INPP4A: variants seen among roughly 807,000 people sequenced by gnomAD.
INPP4A encodes inositol polyphosphate-4-phosphatase, type I, 107kD.
In INPP4A, 33 loss-of-function variants were observed where a neutral mutation model predicts 119.8. The ratio of observed to expected loss-of-function variants is 0.28; its 90% confidence interval spans 0.21 to 0.37. INPP4A has a LOEUF of 0.37. Ranked by LOEUF, INPP4A falls within the 10% of genes least tolerant of loss-of-function variation. INPP4A has a pLI of 1.00. For missense variants in INPP4A, 956 were observed against 1,289.9 expected (o/e 0.74, Z 3.97); for synonymous variants, 496 against 500.7 (o/e 0.99, Z 0.12).
Position 98,484,728 on chromosome 2 carries a change from C to T in INPP4A, c.-165-34236C>T, listed in dbSNP as rs1265224383. 3.3e-5 allele frequency among the ~76,000 whole-genome samples: 5 copies of T among 152,148 alleles called. No homozygotes were observed. In the East Asian group the frequency reaches 5.8e-4, roughly 18 times the overall value. ...TTATACGTGTTCTTTTCCTCTCTCC[C>T]ACTCCGCGTGAGTGCTTCTATGTCT... On this transcript the variant is annotated intron_variant, in intron 1 of 24. Transcript: ENST00000409851.
At chr2:98,469,817 C>T (rs1675617027) in intron 1 of INPP4A, among the ~76,000 whole-genome samples, 1 of 152,070 alleles carries the variant, frequency 6.6e-6, no homozygotes, top group Non-Finnish European at 1.5e-5. Context: ...ACAACAACAA[C>T]AACAACAAAA....
chr2:98,520,748 A>AT lies in INPP4A; in HGVS notation c.151+24dup. 7 of 1,384,992 alleles carry AT rather than the reference A, an allele frequency of 5.1e-6. No homozygotes were observed. The highest frequency in any genetic ancestry group is 2.5e-5 in the East Asian group (1 of 39,922). The allele number at this position is 1,384,992 out of a possible 1,614,324, so 85.8% of individuals were successfully genotyped here. A position where few individuals can be genotyped will look rare whatever the true frequency, so the allele number is the denominator to read the frequency against. On this transcript the variant is annotated intron_variant, in intron 4 of 24. Coordinates refer to ENST00000409851, the MANE Select transcript of INPP4A (RefSeq NM_001134225.2). The stretch of plus-strand genomic sequence containing the variant: ...TTAGCTTAGGTAGGTATCTTTCATT[A>AT]TTTTTTTGTTTTAAAAAATATTTTA...
rs756812855 is a variant in INPP4A at position 98,555,585 on chromosome 2, A to G, written c.1599A>G (p.Leu533=). ...TGTGGCTGAACGTGGACAAGAGCCTAGAGTGCATCATTCAGCGTGTGGACA... is the reference window on the plus strand; with the variant it reads ...TGTGGCTGAACGTGGACAAGAGCCTGGAGTGCATCATTCAGCGTGTGGACA... ...EKVWLNVDKS[L]ECIIQRVDKL... The change falls in exon 16 of 25, where the codon CTA becomes CTG. Residue 533 remains leucine, a synonymous_variant. Coordinates refer to ENST00000409851, the MANE Select transcript of INPP4A (RefSeq NM_001134225.2). 8 of 1,612,828 alleles carry G rather than the reference A, an allele frequency of 5.0e-6. No individual in the cohort carries two copies. The highest frequency in any genetic ancestry group is 1.6e-4 in the Middle Eastern group (1 of 6,076).
In INPP4A at chr2:98,557,553, G is replaced by T. The variant is rs568602373; in HGVS notation, c.1822+1745G>T. Among the ~76,000 whole-genome samples the T allele has an allele frequency of 2.6e-5, 4 of 152,328 alleles. No individual in the cohort carries two copies. The South Asian group carries it at 6.2e-4, about 24-fold the overall frequency. On this transcript the variant is annotated intron_variant, in intron 16 of 24. Transcript: ENST00000409851. The stretch of plus-strand genomic sequence containing the variant: ...TGGAGCCATTGTTTTGGCTTAATGA[G>T]CAGGTATGTTCACACCAACATATTT...
intron 1 of INPP4A, among the ~76,000 whole-genome samples, chr2:98,514,779 TGTG>T (rs1262571751): frequency 4.6e-5 from 7 of 152,030 alleles, no homozygotes; most frequent in African/African-American, 7.3e-5. Flanking sequence ...ATTATCCAGA[TGTG>T]GTGGCACACA....
intron 1 of INPP4A, among the ~76,000 whole-genome samples, chr2:98,462,855 A>AT (rs1238326158): frequency 6.6e-6 from 1 of 151,672 alleles, no homozygotes; most frequent in African/African-American, 2.4e-5. Flanking sequence ...TTTATTTTTA[A>AT]TTTTTAATTT....
At chr2:98,499,809 A>T (rs561480476) in intron 1 of INPP4A, among the ~76,000 whole-genome samples, 1 of 152,374 alleles carries the variant, frequency 6.6e-6, no homozygotes, top group South Asian at 2.1e-4. Flanking sequence ...ACAAAAGGAC[A>T]GTATTCTCCT....
intron 1 of INPP4A, among the ~76,000 whole-genome samples, chr2:98,507,982 G>A (rs906193567): frequency 1.3e-5 from 2 of 152,228 alleles, no homozygotes; most frequent in Non-Finnish European, 2.9e-5. Context: ...GGTTGAGGGG[G>A]TGGGTGGTGA....
intron 1 of INPP4A, among the ~76,000 whole-genome samples, chr2:98,472,948 T>C (rs950726895): frequency 2.6e-5 from 4 of 151,886 alleles, no homozygotes; most frequent in Non-Finnish European, 5.9e-5. Flanking sequence ...GAGTGTATTG[T>C]AGGTGCAGTG....
intron 1 of INPP4A, among the ~76,000 whole-genome samples, chr2:98,451,287 C>T (rs1227075729): frequency 6.6e-6 from 1 of 152,152 alleles, no homozygotes; most frequent in East Asian, 1.9e-4. Context: ...TAATATGAAA[C>T]TTGTTCAGTG....
chr2:98,546,163 T>C lies in INPP4A; in HGVS notation c.1054+90T>C. The C allele has an allele frequency of 1.1e-6, 1 of 883,580 alleles. No individual in the cohort carries two copies. Among genetic ancestry groups the C allele is most frequent in the Non-Finnish European group, 1.8e-6 (1 of 552,106 alleles). The allele number at this position is 883,580 out of a possible 1,614,324, so 54.7% of individuals were successfully genotyped here. A position where few individuals can be genotyped will look rare whatever the true frequency, so the allele number is the denominator to read the frequency against. On this transcript the variant is annotated intron_variant, in intron 12 of 24. Transcript: ENST00000409851. This position sits in a 1 kb window ranked among gnomAD's most constrained non-coding sequence, Gnocchi z 4.2. Reference sequence around the variant, plus strand: ...TCCCTGAGTACCCCACATCTGCCCATTTCCCTGTGTGCTCTGGGCGGCTCG... The same window carrying C: ...TCCCTGAGTACCCCACATCTGCCCACTTCCCTGTGTGCTCTGGGCGGCTCG...
intron 1 of INPP4A, among the ~76,000 whole-genome samples, chr2:98,461,704 A>C (rs937958735): frequency 3.3e-5 from 5 of 152,182 alleles, no homozygotes; most frequent in African/African-American, 1.2e-4. Context: ...TATGCTGTGT[A>C]TATGCCAGCA....
chr2:98,545,734 C>T (rs1262518928), intron 11 of INPP4A, among the ~76,000 whole-genome samples: 1 of 152,154 alleles, frequency 6.6e-6, no homozygotes, highest in Non-Finnish European at 1.5e-5. Context: ...TCCCTGGCAC[C>T]ATTCACCACC....
chr2:98,581,001 A>G (rs1014930593), intron 24 of INPP4A, among the ~76,000 whole-genome samples: 4 of 152,188 alleles, frequency 2.6e-5, no homozygotes, highest in Non-Finnish European at 5.9e-5. Context: ...CTGAGCCTGG[A>G]ACCCGAGGCG....
chr2:98,583,322 A>G (rs1310166014), intron 24 of INPP4A, among the ~76,000 whole-genome samples: 1 of 140,916 alleles, frequency 7.1e-6, no homozygotes, highest in Non-Finnish European at 1.6e-5. Context: ...CAAAGAAAAA[A>G]TGCCAAAAAA....
intron 1 of INPP4A, among the ~76,000 whole-genome samples, chr2:98,501,092 G>A (rs141949665): frequency 5.9e-5 from 9 of 152,292 alleles, no homozygotes; most frequent in African/African-American, 1.7e-4. Flanking sequence ...CGGGGCAGGC[G>A]GATCACTTGA....
chr2:98,530,944 T>A (rs1689098690), intron 4 of INPP4A, among the ~76,000 whole-genome samples: 1 of 152,210 alleles, frequency 6.6e-6, no homozygotes, highest in Non-Finnish European at 1.5e-5. Context: ...TGCTAGGATA[T>A]CTGTTGTCTG....
At chr2:98,571,824 G>C (rs1559100710) in intron 22 of INPP4A, 2 of 152,508 alleles carry the variant, frequency 1.3e-5, no homozygotes, top group East Asian at 3.9e-4. Flanking sequence ...AGATGGTGCT[G>C]TCTATGCCAG....
chr2:98,492,663 G>A (rs754861316), intron 1 of INPP4A, among the ~76,000 whole-genome samples: 2 of 152,212 alleles, frequency 1.3e-5, no homozygotes, highest in South Asian at 2.1e-4. Context: ...TCAGGTCCCA[G>A]GGGGAGGTGA....
Sources: gnomAD v4.1 joint callset for allele counts (sites outside exome capture counted in the v4.1 genomes callset) on GRCh38, gnomAD v4.1.1 for gene constraint, Gnocchi (gnomAD v3.1) non-coding constraint, MANE v1.5 for transcripts, NCBI Gene and HGNC (gene_info 2026-07-23, HGNC 2026-07-21) for gene names.